FMN1: variants seen among roughly 807,000 people sequenced by gnomAD.
FMN1 encodes the protein formin-1.
FMN1 carries 110 observed loss-of-function variants against 132.4 expected under a neutral mutation model. That is an observed-to-expected ratio of 0.83 (90% confidence interval 0.71 to 0.97). The LOEUF (loss-of-function observed/expected upper bound fraction) is 0.97. FMN1 is among the 50% of genes least tolerant of loss of function. The pLI is 0.00. For synonymous variants in FMN1, 722 were observed against 651.7 expected (o/e 1.11, Z -1.64); for missense variants, 1,792 against 1,705.3 (o/e 1.05, Z -0.90).
chr15:33,030,889 G>A (rs1283988906), intron 6 of FMN1, among the ~76,000 whole-genome samples: 1 of 151,942 alleles, frequency 6.6e-6, no homozygotes, highest in African/African-American at 2.4e-5. Context: ...TTATTACATA[G>A]GTATACACGT....
intron 17 of FMN1, among the ~76,000 whole-genome samples, chr15:32,854,711 G>A (rs1377463218): frequency 2.0e-5 from 3 of 152,180 alleles, no homozygotes; most frequent in Non-Finnish European, 2.9e-5. Context: ...TCAGGAGTTC[G>A]AGACCAGCCT....
chr15:32,858,523 C>T (rs2059188090), intron 16 of FMN1, among the ~76,000 whole-genome samples: 1 of 152,198 alleles, frequency 6.6e-6, no homozygotes, highest in Non-Finnish European at 1.5e-5. Context: ...GGTCACAGGA[C>T]AGGGGTACCG....
intron 4 of FMN1, among the ~76,000 whole-genome samples, chr15:33,125,766 T>C (rs1963001476): frequency 6.6e-6 from 1 of 152,162 alleles, no homozygotes; most frequent in South Asian, 2.1e-4. Flanking sequence ...GGTGAAATTT[T>C]GGTAAAAACT....
intron 7 of FMN1, among the ~76,000 whole-genome samples, chr15:32,991,262 T>C (rs1416791534): frequency 2.0e-5 from 3 of 152,202 alleles, no homozygotes; most frequent in Non-Finnish European, 4.4e-5. Flanking sequence ...GTCTTCTACA[T>C]TCTCAGGAAT....
At chr15:32,954,697 C>T (rs2061725253) in intron 9 of FMN1, among the ~76,000 whole-genome samples, 2 of 152,040 alleles carry the variant, frequency 1.3e-5, no homozygotes, top group South Asian at 4.2e-4. Flanking sequence ...AGACGAATGC[C>T]CATTTATCAA....
At chr15:33,044,393 T>TCCAGGCCCAC (rs1210272943) in intron 6 of FMN1, among the ~76,000 whole-genome samples, 1 of 152,196 alleles carries the variant, frequency 6.6e-6, no homozygotes, top group Admixed American at 6.5e-5. Context: ...TGATGCTTTT[T>TCCAGGCCCAC]CCAGGCCCAC....
chr15:32,974,444 C>T (rs1322693806), intron 7 of FMN1, among the ~76,000 whole-genome samples: 1 of 152,192 alleles, frequency 6.6e-6, no homozygotes, highest in Non-Finnish European at 1.5e-5. Flanking sequence ...AAGATTCAAA[C>T]TTACTAGCTT....
intron 9 of FMN1, among the ~76,000 whole-genome samples, chr15:32,956,070 T>C (rs140309660): frequency 6.6e-6 from 1 of 152,212 alleles, no homozygotes; most frequent in Non-Finnish European, 1.5e-5. Context: ...AATAGAGATA[T>C]GAGAAGACTA....
chr15:33,124,515 A>C (rs1962864906), intron 4 of FMN1, among the ~76,000 whole-genome samples: 1 of 144,272 alleles, frequency 6.9e-6, no homozygotes, highest in African/African-American at 2.6e-5. Context: ...GATTGCTTTA[A>C]AGCTCTCCCA....
intron 16 of FMN1, among the ~76,000 whole-genome samples, chr15:32,867,639 G>C (rs190694091): frequency 2.0e-5 from 3 of 151,242 alleles, no homozygotes; most frequent in African/African-American, 7.3e-5. Context: ...CCTGCCCCCC[G>C]CTCCCTGTGC....
chr15:33,012,708 T>C, intron 6 of FMN1: 1 of 776,074 alleles, frequency 1.3e-6, no homozygotes, highest in South Asian at 1.3e-5. Context: ...GACATAGTAG[T>C]TCTGGAAACT....
chr15:32,867,706 T>C (rs1277194003), intron 16 of FMN1, among the ~76,000 whole-genome samples: 1 of 152,166 alleles, frequency 6.6e-6, no homozygotes, highest in Non-Finnish European at 1.5e-5. Flanking sequence ...TTAGCCGGGA[T>C]GGTCTCAATC....
rs138785927 is a variant in FMN1, at chr15:32,923,459, A to G, written c.3226+2715T>C. 1.1e-4 allele frequency among the ~76,000 whole-genome samples: 16 copies of G among 152,354 alleles called. No individual in the cohort carries two copies. In the South Asian group the frequency reaches 2.9e-3, roughly 28 times the overall value. ...CCATATTCATCTGGAATGCATTACT[A>G]AACGAAGAAATGGAATGGAGATGAT... On this transcript the variant is annotated intron_variant, in intron 10 of 20. Transcript: ENST00000616417.
chr15:32,774,431 C>A (rs941354264), intron 20 of FMN1, 77 bp from the exon 21 acceptor site: 1 of 1,281,760 alleles, frequency 7.8e-7, no homozygotes, highest in South Asian at 1.3e-5. Flanking sequence ...AAATTTTGGT[C>A]TAGAATGCTG....
intron 7 of FMN1, among the ~76,000 whole-genome samples, chr15:33,001,702 CCCTTCCCCCT>C: frequency 7.1e-6 from 1 of 141,712 alleles, no homozygotes; most frequent in South Asian, 2.4e-4. Context: ...TTCCGCCTCC[CCCTTCCCCCT>C]CCTCCTCCTC....
chr15:33,106,909 C>CA (rs1265955310), intron 4 of FMN1, among the ~76,000 whole-genome samples: 1 of 152,030 alleles, frequency 6.6e-6, no homozygotes, highest in Non-Finnish European at 1.5e-5. Context: ...TCTGTCATCT[C>CA]ATTCAGTCTC....
chr15:32,813,018 C>G (rs1455890363), intron 17 of FMN1, among the ~76,000 whole-genome samples: 2 of 152,228 alleles, frequency 1.3e-5, no homozygotes, highest in East Asian at 1.9e-4. Flanking sequence ...TGTGTCTGTG[C>G]TGAACATATA....
chr15:33,082,241 T>G (rs897689019), intron 5 of FMN1, among the ~76,000 whole-genome samples: 2 of 151,890 alleles, frequency 1.3e-5, no homozygotes, highest in African/African-American at 4.8e-5. Context: ...GTCGGCTAAT[T>G]TTTGTGTTTT....
chr15:32,911,041 G>T (rs1428195181), intron 10 of FMN1, among the ~76,000 whole-genome samples: 2 of 152,166 alleles, frequency 1.3e-5, no homozygotes, highest in African/African-American at 2.4e-5. Flanking sequence ...AAAAAGACAA[G>T]AAAAAACAAT....
Sources: gnomAD v4.1 joint callset for allele counts (sites outside exome capture counted in the v4.1 genomes callset) on GRCh38, gnomAD v4.1.1 for gene constraint, MANE v1.5 for transcripts, NCBI Gene and HGNC (gene_info 2026-07-23, HGNC 2026-07-21) for gene names.